The following AK4 variants were observed in gnomAD, a reference collection of about 807,000 sequenced individuals.
AK4 encodes adenylate kinase 4, mitochondrial.
AK4 carries 13 observed loss-of-function variants against 24.6 expected under a neutral mutation model. The observed-to-expected ratio is 0.53, with a 90% CI of 0.34 to 0.84. The LOEUF is 0.84. AK4 is among the 40% of genes least tolerant of loss of function. AK4 has a pLI of 0.01. For synonymous variants in AK4, 88 were observed against 107.0 expected (o/e 0.82, Z 1.10); for missense variants, 192 against 288.2 (o/e 0.67, Z 2.42).
intron 1 of AK4, among the ~76,000 whole-genome samples, chr1:65,156,874 C>T (rs1650001141): frequency 6.9e-6 from 1 of 144,424 alleles, no homozygotes; most frequent in Non-Finnish European, 1.5e-5. Flanking sequence ...TGCAGTGAGC[C>T]AAGATTGCCC....
chr1:65,159,827 G>A (rs928409676), intron 1 of AK4, among the ~76,000 whole-genome samples: 1 of 151,958 alleles, frequency 6.6e-6, no homozygotes, highest in African/African-American at 2.4e-5. Context: ...AATTAGCTGG[G>A]CATGGTGGTG....
chr1:65,192,428 G>C (rs1651335458), intron 2 of AK4, among the ~76,000 whole-genome samples: 1 of 152,094 alleles, frequency 6.6e-6, no homozygotes, highest in Non-Finnish European at 1.5e-5. Context: ...CCTCTTAAAG[G>C]CTCCATCTCC....
intron 1 of AK4, among the ~76,000 whole-genome samples, chr1:65,167,564 C>T (rs1041493448): frequency 1.1e-4 from 16 of 150,812 alleles, no homozygotes; most frequent in African/African-American, 3.9e-4. Context: ...ATCTCCTTTC[C>T]GTGGAGCTCA....
chr1:65,207,068 A>G (rs1288700224), intron 2 of AK4, among the ~76,000 whole-genome samples: 1 of 152,220 alleles, frequency 6.6e-6, no homozygotes, highest in East Asian at 1.9e-4. Flanking sequence ...TATTTCCCTA[A>G]GCCTCTTTGA....
chr1:65,165,133 G>A (rs956942404), intron 1 of AK4, among the ~76,000 whole-genome samples: 1 of 152,258 alleles, frequency 6.6e-6, no homozygotes. Context: ...AAATAGGAAT[G>A]AAAACACTTT....
At chr1:65,196,934 T>G (rs1204381519) in intron 2 of AK4, among the ~76,000 whole-genome samples, 1 of 152,012 alleles carries the variant, frequency 6.6e-6, no homozygotes, top group Non-Finnish European at 1.5e-5. Context: ...GAGGAGCAAA[T>G]CACATCGTAC....
Position 65,227,292 on chromosome 1 carries a change from G to A in AK4, c.*1115G>A, listed in dbSNP as rs2101100532. 1 of 147,490 alleles carries A rather than the reference G, an allele frequency of 6.8e-6. No individual in the cohort carries two copies. Among genetic ancestry groups the A allele is most frequent in the South Asian group, 2.3e-4 (1 of 4,444 alleles). The allele number at this position is 147,490 out of a possible 1,614,324, so 9.1% of individuals were successfully genotyped here. A position where few individuals can be genotyped will look rare whatever the true frequency, so the allele number is the denominator to read the frequency against. On this transcript the variant is annotated 3_prime_UTR_variant, in exon 5 of 5. Coordinates refer to ENST00000327299, the MANE Select transcript of AK4 (RefSeq NM_013410.4). ...AACATATTATAAATATGTGGTAAAG[G>A]GAATGGAGCCTGTGGGGTTGAGCAG...
intron 1 of AK4, among the ~76,000 whole-genome samples, chr1:65,172,655 T>C (rs1650576451): frequency 6.6e-6 from 1 of 152,154 alleles, no homozygotes; most frequent in Non-Finnish European, 1.5e-5. Context: ...TATATTGGAA[T>C]AGAGACAACT....
At chr1:65,200,471 T>C (rs1419512270) in intron 2 of AK4, among the ~76,000 whole-genome samples, 1 of 152,158 alleles carries the variant, frequency 6.6e-6, no homozygotes, top group East Asian at 1.9e-4. Flanking sequence ...GAAATACCAC[T>C]ATTCAGTGGG....
At chr1:65,194,995 C>T (rs1387761179) in intron 2 of AK4, among the ~76,000 whole-genome samples, 1 of 152,100 alleles carries the variant, frequency 6.6e-6, no homozygotes, top group Non-Finnish European at 1.5e-5. Flanking sequence ...TTGTCTTAGT[C>T]TGTTTTGTGC....
rs143982648 is a variant in AK4 at position 65,222,258 on chromosome 1, G to T, written c.439-2494G>T. 5.1e-3 allele frequency among the ~76,000 whole-genome samples: 783 copies of T among 152,318 alleles called. 11 individuals are homozygous for T. The highest frequency in any genetic ancestry group is 0.018 in the African/African-American group (760 of 41,568). On this transcript the variant is annotated intron_variant, in intron 3 of 4. Coordinates refer to ENST00000327299, the MANE Select transcript of AK4 (RefSeq NM_013410.4). ...GTACACGTGGCTGACAAAGAGAAGG[G>T]AAGATGGAGCCGCCATCTTGAACAT... is the stretch of plus-strand genomic sequence containing the variant.
rs533699591 is a variant in AK4 at position 65,229,860 on chromosome 1, A to G, written c.*3683A>G. On this transcript the variant is annotated 3_prime_UTR_variant, in exon 5 of 5. Transcript: ENST00000327299. ...CCTTGGAGCTATCCAGATCCTGCTC[A>G]CTTTTCCTTCCTGAGATCAGAACAA... is the stretch of plus-strand genomic sequence containing the variant. The G allele has an allele frequency of 1.3e-5, 2 of 152,338 alleles. No individual in the cohort carries two copies. Among genetic ancestry groups the G allele is most frequent in the South Asian group, 4.1e-4 (2 of 4,822 alleles). The allele number at this position is 152,338 out of a possible 1,614,324, so 9.4% of individuals were successfully genotyped here.
chr1:65,171,054 CAA>C (rs1054713961), intron 1 of AK4, among the ~76,000 whole-genome samples: 6 of 147,992 alleles, frequency 4.1e-5, no homozygotes, highest in Non-Finnish European at 7.4e-5. Context: ...ACCTGTCACT[CAA>C]GAGATCTTCC....
At chr1:65,181,857 G>A (rs531451593) in intron 1 of AK4, among the ~76,000 whole-genome samples, 3 of 152,212 alleles carry the variant, frequency 2.0e-5, no homozygotes, top group African/African-American at 7.2e-5. Context: ...CTCCCTTTGT[G>A]GTTTCTCTGA....
At chr1:65,214,469 G>C (rs1377148785) in intron 2 of AK4, among the ~76,000 whole-genome samples, 5 of 152,182 alleles carry the variant, frequency 3.3e-5, no homozygotes, top group Non-Finnish European at 5.9e-5. Flanking sequence ...AAGGATCTGA[G>C]AGTATATGAA....
At chr1:65,208,933 G>C (rs1169399789) in intron 2 of AK4, among the ~76,000 whole-genome samples, 4 of 152,122 alleles carry the variant, frequency 2.6e-5, no homozygotes, top group Non-Finnish European at 5.9e-5. Flanking sequence ...AGCACTGCTG[G>C]GAACACAATA....
intron 1 of AK4, among the ~76,000 whole-genome samples, chr1:65,157,643 G>C (rs1239961033): frequency 6.6e-6 from 1 of 152,096 alleles, no homozygotes; most frequent in Admixed American, 6.6e-5. Context: ...AAGAAAATTA[G>C]CTGGGTGTGG....
In AK4 at chr1:65,161,391, C is replaced by T. The variant is rs143719149; in HGVS notation, c.145+12839C>T. ...GGTTTGAGCTCTGAGTTCTACATTA[C>T]GTTCCCAGGAGGCATGGCGGTGCGC... On this transcript the variant is annotated intron_variant, in intron 1 of 4. Transcript: ENST00000327299. Among the ~76,000 whole-genome samples the T allele has an allele frequency of 7.0e-4, 106 of 152,290 alleles. No individual in the cohort carries two copies. The East Asian group carries it at 0.01, about 14-fold the overall frequency.
Position 65,200,909 on chromosome 1 carries a change from C to T in AK4, c.265+10080C>T, listed in dbSNP as rs370612017. ...TCTTGGGTTCAAGCGATTCTCCTGC[C>T]TCAGCCTCCCAAGTAGCTGGGACTA... On this transcript the variant is annotated intron_variant, in intron 2 of 4. Coordinates refer to ENST00000327299, the MANE Select transcript of AK4 (RefSeq NM_013410.4). 3.7e-4 allele frequency among the ~76,000 whole-genome samples: 56 copies of T among 152,270 alleles called. 1 individual carries two copies. Among genetic ancestry groups the T allele is most frequent in the African/African-American group, 1.3e-3 (53 of 41,548 alleles).
Sources: allele counts gnomAD v4.1 joint callset (sites outside exome capture counted in the v4.1 genomes callset), GRCh38; gene constraint gnomAD v4.1.1; transcripts MANE v1.5; gene names NCBI Gene and HGNC (gene_info 2026-07-23, HGNC 2026-07-21).